The following STX17 variants were observed in gnomAD, a reference collection of about 807,000 sequenced individuals.
The protein encoded by STX17 is syntaxin 17.
Under a neutral mutation model 35.9 loss-of-function variants are expected in STX17, and 29 were observed. The ratio of observed to expected loss-of-function variants is 0.81; its 90% CI spans 0.60 to 1.10. The LOEUF (loss-of-function observed/expected upper bound fraction) is 1.10. STX17 is among the 50% of genes least tolerant of loss of function. The pLI, the probability that STX17 is intolerant of heterozygous loss-of-function variation, is 0.00. For synonymous variants in STX17, 92 were observed against 118.3 expected (o/e 0.78, Z 1.44); for missense variants, 312 against 352.3 (o/e 0.89, Z 0.92).
At position 99,971,929 on chromosome 9, in the gene STX17, G is replaced by GT. The variant is rs1162184438; in HGVS notation, c.*3257dup. On this transcript the variant is annotated 3_prime_UTR_variant, in exon 8 of 8. Coordinates refer to ENST00000259400, the MANE Select transcript of STX17 (RefSeq NM_017919.3). The stretch of plus-strand genomic sequence containing the variant: ...GGTCCCAGCTACATGGGAAGCTGAA[G>GT]TGGGAGGATCACTTGAACTCAGGAG... Among the ~76,000 whole-genome samples, 2 of 152,194 alleles carry GT rather than the reference G, an allele frequency of 1.3e-5. No individual in the cohort carries two copies. The highest frequency in any genetic ancestry group is 4.1e-4 in the South Asian group (2 of 4,836).
In STX17 at chr9:99,972,141, A is replaced by G. The variant is rs1032596483; in HGVS notation, c.*3468A>G. Reference sequence around the variant, plus strand: ...GTTTTTAATGGTAGCTGATGCAGACATAAACAGTGCTCAATTTGGCCCTTA... The same window carrying G: ...GTTTTTAATGGTAGCTGATGCAGACGTAAACAGTGCTCAATTTGGCCCTTA... On this transcript the variant is annotated 3_prime_UTR_variant, in exon 8 of 8. Coordinates refer to ENST00000259400, the MANE Select transcript of STX17 (RefSeq NM_017919.3). Among the ~76,000 whole-genome samples, 1 of 152,258 alleles carries G rather than the reference A, an allele frequency of 6.6e-6. No individual in the cohort carries two copies. Among genetic ancestry groups the G allele is most frequent in the Non-Finnish European group, 1.5e-5 (1 of 68,040 alleles).
chr9:99,947,007 G>A (rs772471574), intron 3 of STX17, among the ~76,000 whole-genome samples: 5 of 151,864 alleles, frequency 3.3e-5, no homozygotes, highest in African/African-American at 1.2e-4. Context: ...TTTCTTCAAT[G>A]TTTTGAAAAT....
chr9:99,941,895 A>C (rs1829372385), intron 3 of STX17, among the ~76,000 whole-genome samples: 1 of 152,120 alleles, frequency 6.6e-6, no homozygotes, highest in Non-Finnish European at 1.5e-5. Flanking sequence ...CTGTGGATGG[A>C]CATTTGAGTT....
At chr9:99,940,470 CTT>C (rs71498721) in intron 3 of STX17, among the ~76,000 whole-genome samples, 3 of 107,746 alleles carry the variant, frequency 2.8e-5, no homozygotes, top group Non-Finnish European at 5.7e-5. Flanking sequence ...TAGAATTTTA[CTT>C]TTTTTTTTTT....
intron 2 of STX17, among the ~76,000 whole-genome samples, chr9:99,927,577 G>C (rs1012836940): frequency 6.6e-6 from 1 of 152,138 alleles, no homozygotes; most frequent in Non-Finnish European, 1.5e-5. Context: ...CCAGGTTCAA[G>C]CGATCTCCTG....
At chr9:99,957,797 G>T (rs1051899271) in intron 4 of STX17, among the ~76,000 whole-genome samples, 1 of 151,894 alleles carries the variant, frequency 6.6e-6, no homozygotes, top group Non-Finnish European at 1.5e-5. Context: ...GGGATTACAG[G>T]TGTGTGCCAC....
intron 4 of STX17, chr9:99,954,048 A>G (rs570580053): frequency 6.6e-6 from 1 of 152,194 alleles, no homozygotes; most frequent in African/African-American, 2.4e-5. Context: ...AAGTATGTGC[A>G]TAAAGGAAAT....
chr9:99,929,701 TTAATA>T (rs1338228557), intron 3 of STX17: 4 of 151,586 alleles, frequency 2.6e-5, no homozygotes, highest in South Asian at 2.1e-4. Flanking sequence ...TTTGGTTAAA[TTAATA>T]TAATATAAAC....
chr9:99,973,758 T>C lies in STX17; in HGVS notation c.*5085T>C, dbSNP rs1425556207. ...AAGAATTAACAACCATGTCCATCTT[T>C]CATTTTTCTGCTGAAAGATTTTCAG... is the stretch of plus-strand genomic sequence containing the variant. On this transcript the variant is annotated 3_prime_UTR_variant, in exon 8 of 8. Coordinates refer to ENST00000259400, the MANE Select transcript of STX17 (RefSeq NM_017919.3). Among the ~76,000 whole-genome samples the C allele has an allele frequency of 6.6e-6, 1 of 152,194 alleles. No individual in the cohort carries two copies. The highest frequency in any genetic ancestry group is 1.9e-4 in the East Asian group (1 of 5,196).
intron 2 of STX17, among the ~76,000 whole-genome samples, chr9:99,924,841 C>A (rs1828957806): frequency 6.6e-6 from 1 of 151,938 alleles, no homozygotes; most frequent in African/African-American, 2.4e-5. Context: ...GATCAGACAT[C>A]CTTACCTTCT....
chr9:99,923,598 G>A (rs1426289649), intron 2 of STX17, among the ~76,000 whole-genome samples: 1 of 152,120 alleles, frequency 6.6e-6, no homozygotes, highest in African/African-American at 2.4e-5. Context: ...CCCTAGCTTA[G>A]GTATCTTCTA....
chr9:99,950,239 G>A (rs571447816), intron 3 of STX17, among the ~76,000 whole-genome samples: 10 of 152,036 alleles, frequency 6.6e-5, no homozygotes, highest in African/African-American at 2.4e-4. Context: ...GAGATGACAT[G>A]CAGGACTGGC....
chr9:99,929,380 A>G (rs1452729746), intron 3 of STX17, among the ~76,000 whole-genome samples: 1 of 151,866 alleles, frequency 6.6e-6, no homozygotes, highest in East Asian at 1.9e-4. Flanking sequence ...TTGCTTTTTA[A>G]AAATACATTT....
intron 2 of STX17, among the ~76,000 whole-genome samples, chr9:99,924,763 C>A (rs1265393598): frequency 6.6e-6 from 1 of 152,034 alleles, no homozygotes; most frequent in Non-Finnish European, 1.5e-5. Context: ...TTCTTTCATC[C>A]TTCCTTCCTT....
intron 3 of STX17, among the ~76,000 whole-genome samples, chr9:99,930,153 C>T (rs1195844138): frequency 5.3e-5 from 8 of 151,928 alleles, no homozygotes; most frequent in Non-Finnish European, 7.4e-5. Context: ...CCTTGTGATC[C>T]GCCTGCCTTG....
chr9:99,959,994 G>T lies in STX17; in HGVS notation c.493G>T (p.Asp165Tyr), dbSNP rs1429822253. 1.2e-6 allele frequency: 2 copies of T among 1,613,972 alleles called. No homozygotes were observed. The highest frequency in any genetic ancestry group is 2.2e-5 in the South Asian group (2 of 91,054). The change falls in exon 5 of 8, where the codon GAT becomes TAT. Residue 165 changes from aspartate (D) to tyrosine (Y), a missense_variant. By Grantham distance (160) the Asp-to-Tyr change is radical (BLOSUM62 -3). Transcript: ENST00000259400. Reference protein sequence around the residue: ...QIYALPEIPQDQNAAESWETL... With the variant: ...QIYALPEIPQYQNAAESWETL... ...ATATGCCTTACCTGAAATTCCTCAA[G>T]ATCAAAATGCTGCAGAATCGTGGGA...
chr9:99,916,895 T>C (rs1440466013), intron 2 of STX17, among the ~76,000 whole-genome samples: 1 of 152,192 alleles, frequency 6.6e-6, no homozygotes, highest in Non-Finnish European at 1.5e-5. Context: ...CTTTTTCTTA[T>C]GTTTATTCTA....
chr9:99,911,435 TG>T (rs1713315643), intron 1 of STX17, among the ~76,000 whole-genome samples: 1 of 152,194 alleles, frequency 6.6e-6, no homozygotes, highest in African/African-American at 2.4e-5. Context: ...TTCCATATCT[TG>T]GCTATTGTGA....
At chr9:99,961,441 A>G (rs1270457027) in intron 6 of STX17, among the ~76,000 whole-genome samples, 1 of 152,248 alleles carries the variant, frequency 6.6e-6, no homozygotes, top group African/African-American at 2.4e-5. Flanking sequence ...TTTATTCTGC[A>G]TAATTGGGTG....
Sources: allele counts gnomAD v4.1 joint callset (sites outside exome capture counted in the v4.1 genomes callset), GRCh38; gene constraint gnomAD v4.1.1; transcripts MANE v1.5; gene names NCBI Gene and HGNC (gene_info 2026-07-23, HGNC 2026-07-21).